TRABD2B: variants seen among roughly 807,000 people sequenced by gnomAD.
TRABD2B encodes the protein metalloprotease TIKI2.
A neutral mutation model predicts 40.1 loss-of-function variants in TRABD2B; 14 were observed. That is an observed-to-expected ratio of 0.35 (90% CI 0.23 to 0.55). The LOEUF (loss-of-function observed/expected upper bound fraction) is 0.55. TRABD2B is among the 20% of genes least tolerant of loss of function. The pLI, the probability that TRABD2B is intolerant of heterozygous loss-of-function variation, is 0.90. For missense variants in TRABD2B, 541 were observed against 648.6 expected, an observed-to-expected ratio of 0.83 and a Z score of 1.80; for synonymous variants, 263 against 277.0, an observed-to-expected ratio of 0.95 and a Z score of 0.50.
chr1:47,880,727 C>CT (rs1405313021), intron 2 of TRABD2B, among the ~76,000 whole-genome samples: 1 of 152,220 alleles, frequency 6.6e-6, no homozygotes, highest in Non-Finnish European at 1.5e-5. Flanking sequence ...CTGGCACTGT[C>CT]TGAGTCCTGG....
intron 2 of TRABD2B, among the ~76,000 whole-genome samples, chr1:47,990,576 G>A (rs529926580): frequency 6.6e-6 from 1 of 151,574 alleles, no homozygotes; most frequent in African/African-American, 2.4e-5. Context: ...AGCCTAGACT[G>A]TTTGCCAAGC....
chr1:47,890,346 A>T (rs1644427835), intron 2 of TRABD2B, among the ~76,000 whole-genome samples: 1 of 152,182 alleles, frequency 6.6e-6, no homozygotes, highest in Non-Finnish European at 1.5e-5. Context: ...GGCCATGACC[A>T]GCGTGGTCAT....
intron 2 of TRABD2B, among the ~76,000 whole-genome samples, chr1:47,894,610 G>A (rs929520763): frequency 6.6e-6 from 1 of 152,164 alleles, no homozygotes; most frequent in African/African-American, 2.4e-5. Context: ...TCTCTGAGGA[G>A]GTGATATTTC....
chr1:47,904,388 A>T (rs530057056), intron 2 of TRABD2B, among the ~76,000 whole-genome samples: 1 of 152,170 alleles, frequency 6.6e-6, no homozygotes, highest in African/African-American at 2.4e-5. Context: ...AGGTGAAGAC[A>T]TTTATATGAT....
intron 2 of TRABD2B, among the ~76,000 whole-genome samples, chr1:47,923,550 T>C (rs74465679): frequency 0.012 from 1,789 of 152,308 alleles, 36 homozygotes; most frequent in African/African-American, 0.04. Flanking sequence ...ATGTGGATGA[T>C]GGTTAATTTT....
At chr1:47,828,953 G>A (rs148504634) in intron 2 of TRABD2B, among the ~76,000 whole-genome samples, 8 of 152,288 alleles carry the variant, frequency 5.3e-5, no homozygotes, top group East Asian at 1.9e-4. Flanking sequence ...CCTACTGTGC[G>A]TCTGCATCGG....
chr1:47,882,122 C>G (rs749155512), intron 2 of TRABD2B, among the ~76,000 whole-genome samples: 1 of 152,252 alleles, frequency 6.6e-6, no homozygotes, highest in Non-Finnish European at 1.5e-5. Flanking sequence ...GGGGGCCTGG[C>G]TGGGTTTATT....
intron 2 of TRABD2B, among the ~76,000 whole-genome samples, chr1:47,970,663 C>A (rs189847965): frequency 1.3e-5 from 2 of 152,218 alleles, no homozygotes; most frequent in East Asian, 3.9e-4. Flanking sequence ...GTGGGTCAGC[C>A]GGGGGTTGGT....
chr1:47,963,929 G>A (rs1645560263), intron 2 of TRABD2B, among the ~76,000 whole-genome samples: 1 of 152,228 alleles, frequency 6.6e-6, no homozygotes, highest in African/African-American at 2.4e-5. Context: ...GTGAACTTGG[G>A]CCAGGCCCAA....
At chr1:47,784,922 G>A (rs1404878360) in intron 4 of TRABD2B, among the ~76,000 whole-genome samples, 1 of 152,188 alleles carries the variant, frequency 6.6e-6, no homozygotes, top group Non-Finnish European at 1.5e-5. Flanking sequence ...AGGGGGAGAT[G>A]GGCAGGCAAA....
chr1:47,930,766 T>C (rs1160006570), intron 2 of TRABD2B, among the ~76,000 whole-genome samples: 1 of 152,106 alleles, frequency 6.6e-6, no homozygotes, highest in Non-Finnish European at 1.5e-5. Flanking sequence ...GGGCTCTCTG[T>C]GGTTAGAACA....
intron 6 of TRABD2B, among the ~76,000 whole-genome samples, chr1:47,767,517 ACTG>A (rs1439287909): frequency 1.3e-5 from 2 of 152,200 alleles, no homozygotes; most frequent in African/African-American, 4.8e-5. Context: ...TCATGACAAC[ACTG>A]GGAGGCAGGG....
chr1:47,897,691 T>A (rs1037571856), intron 2 of TRABD2B, among the ~76,000 whole-genome samples: 1 of 152,050 alleles, frequency 6.6e-6, no homozygotes, highest in Non-Finnish European at 1.5e-5. Context: ...CTACCCCTCA[T>A]TTGCACCACA....
At chr1:47,862,436 C>T (rs1359427919) in intron 2 of TRABD2B, among the ~76,000 whole-genome samples, 3 of 151,932 alleles carry the variant, frequency 2.0e-5, no homozygotes, top group African/African-American at 4.8e-5. Flanking sequence ...TTCCTATTTA[C>T]CAGCAATAAT....
At chr1:47,792,286 T>C (rs1644685634) in intron 4 of TRABD2B, among the ~76,000 whole-genome samples, 1 of 152,202 alleles carries the variant, frequency 6.6e-6, no homozygotes, top group Admixed American at 6.5e-5. Context: ...CATTCATTCT[T>C]TCATTCACTC....
chr1:47,906,222 G>A (rs1039816854), intron 2 of TRABD2B, among the ~76,000 whole-genome samples: 2 of 152,222 alleles, frequency 1.3e-5, no homozygotes, highest in Non-Finnish European at 1.5e-5. Context: ...CAGTGTACCA[G>A]CCACAGGGCT....
rs201008652 is a variant in TRABD2B, at chr1:47,839,941, G to A, written c.667-38322C>T. 4.6e-5 allele frequency among the ~76,000 whole-genome samples: 7 copies of A among 152,168 alleles called. No homozygotes were observed. In the East Asian group the frequency reaches 1.2e-3, roughly 25 times the overall value. ...GCCCCCTCCATCGATGGCCAAGCTT[G>A]TTGCTGCCACTGTCATCAGCCTTTC... On this transcript the variant is annotated intron_variant, in intron 2 of 6. Transcript: ENST00000606738.
chr1:47,867,584 G>C (rs1272027575), intron 2 of TRABD2B, among the ~76,000 whole-genome samples: 1 of 152,208 alleles, frequency 6.6e-6, no homozygotes, highest in African/African-American at 2.4e-5. Context: ...ATGGACATCA[G>C]AAGTGTAAAA....
chr1:47,837,170 C>G (rs1252971536), intron 2 of TRABD2B, among the ~76,000 whole-genome samples: 1 of 152,198 alleles, frequency 6.6e-6, no homozygotes, highest in Non-Finnish European at 1.5e-5. Flanking sequence ...GGGATGAGAA[C>G]AGTTGCTGGT....
Sources: allele counts gnomAD v4.1 joint callset (sites outside exome capture counted in the v4.1 genomes callset), GRCh38; gene constraint gnomAD v4.1.1; transcripts MANE v1.5; gene names NCBI Gene and HGNC (gene_info 2026-07-23, HGNC 2026-07-21).